ADK: variants seen among roughly 807,000 people sequenced by gnomAD.
The protein encoded by ADK is adenosine kinase.
In ADK, 24 loss-of-function variants were observed where a neutral mutation model predicts 44.7. The observed-to-expected ratio is 0.54, with a 90% CI of 0.39 to 0.76. ADK has a LOEUF of 0.76. Ranked by LOEUF, ADK falls within the 30% of genes least tolerant of loss-of-function variation. ADK has a pLI of 0.00. For synonymous variants in ADK, 128 were observed against 142.6 expected, an observed-to-expected ratio of 0.90 and a Z score of 0.73; for missense variants, 321 against 425.1, an observed-to-expected ratio of 0.76 and a Z score of 2.15.
intron 9 of ADK, among the ~76,000 whole-genome samples, chr10:74,644,359 G>A (rs1180235928): frequency 6.6e-6 from 1 of 152,194 alleles, no homozygotes; most frequent in Non-Finnish European, 1.5e-5. Flanking sequence ...GTTAAGAGGG[G>A]CAATGGATAC....
intron 3 of ADK, among the ~76,000 whole-genome samples, chr10:74,270,001 A>T (rs189931026): frequency 5.4e-4 from 83 of 152,320 alleles, no homozygotes; most frequent in Non-Finnish European, 7.8e-4. Context: ...TCATTTCAAA[A>T]AAATAAATAA....
chr10:74,498,538 T>A (rs1847775175), intron 6 of ADK, among the ~76,000 whole-genome samples: 1 of 152,264 alleles, frequency 6.6e-6, no homozygotes, highest in African/African-American at 2.4e-5. Context: ...TTTTTATTTT[T>A]ATTATACTTT....
intron 9 of ADK, among the ~76,000 whole-genome samples, chr10:74,650,699 C>T (rs894608465): frequency 2.0e-5 from 3 of 152,096 alleles, no homozygotes; most frequent in Non-Finnish European, 4.4e-5. Context: ...CTTCACATAC[C>T]ACACACAATT....
At chr10:74,496,658 A>G (rs1336198227) in intron 6 of ADK, among the ~76,000 whole-genome samples, 1 of 152,194 alleles carries the variant, frequency 6.6e-6, no homozygotes, top group Non-Finnish European at 1.5e-5. Context: ...TTGTAGACAC[A>G]GAATCTTGCT....
chr10:74,182,119 A>T (rs187816793), intron 1 of ADK, among the ~76,000 whole-genome samples: 1 of 152,330 alleles, frequency 6.6e-6, no homozygotes, highest in Non-Finnish European at 1.5e-5. Flanking sequence ...GAACATTCAT[A>T]TGGAGACTAA....
chr10:74,627,126 T>C (rs1458006826), intron 9 of ADK, among the ~76,000 whole-genome samples: 1 of 152,084 alleles, frequency 6.6e-6, no homozygotes, highest in Non-Finnish European at 1.5e-5. Flanking sequence ...TCATAGCATA[T>C]ATATATAAGC....
At chr10:74,235,053 G>A (rs1433966728) in intron 3 of ADK, among the ~76,000 whole-genome samples, 1 of 151,462 alleles carries the variant, frequency 6.6e-6, no homozygotes, top group East Asian at 1.9e-4. Context: ...CTGTAGGTCT[G>A]TGTTGAGTAA....
At chr10:74,438,213 G>A (rs979066904) in intron 6 of ADK, among the ~76,000 whole-genome samples, 7 of 151,056 alleles carry the variant, frequency 4.6e-5, no homozygotes, top group Admixed American at 6.6e-5. Context: ...AAGAAGGTAA[G>A]GTCCTTGCCT....
At chr10:74,503,871 G>A (rs558246667) in intron 6 of ADK, among the ~76,000 whole-genome samples, 2 of 152,096 alleles carry the variant, frequency 1.3e-5, no homozygotes, top group South Asian at 4.2e-4. Context: ...TATCTCCAGG[G>A]CACCCAGCTG....
At chr10:74,487,948 C>A (rs1437889555) in intron 6 of ADK, among the ~76,000 whole-genome samples, 1 of 152,004 alleles carries the variant, frequency 6.6e-6, no homozygotes, top group African/African-American at 2.4e-5. Flanking sequence ...GAGACATAAT[C>A]CACCCTCACC....
At chr10:74,484,941 G>A (rs946317826) in intron 6 of ADK, among the ~76,000 whole-genome samples, 14 of 151,958 alleles carry the variant, frequency 9.2e-5, no homozygotes, top group Admixed American at 1.3e-4. Flanking sequence ...CAGAGCTTTT[G>A]GAAGGTAACT....
intron 6 of ADK, among the ~76,000 whole-genome samples, chr10:74,406,514 T>TAAGAAG (rs1293011034): frequency 2.6e-5 from 1 of 38,976 alleles, no homozygotes; most frequent in Admixed American, 3.0e-4. Flanking sequence ...AAAATAATAA[T>TAAGAAG]AATAATAATA....
intron 4 of ADK, among the ~76,000 whole-genome samples, chr10:74,350,457 C>T (rs1841926849): frequency 6.6e-6 from 1 of 152,088 alleles, no homozygotes. Flanking sequence ...CCACTTCAGA[C>T]AGCTGGAAAG....
intron 3 of ADK, among the ~76,000 whole-genome samples, chr10:74,300,304 TTCCTTCTTTCCTTCCTTCCTTCC>T (rs1839976603): frequency 4.9e-5 from 4 of 81,422 alleles, no homozygotes; most frequent in Non-Finnish European, 9.5e-5. Context: ...CCTTCCTTCC[TTCCTTCTTTCCTTCCTTCCTTCC>T]TTCCTTCCTT....
chr10:74,681,553 T>C (rs187255987), intron 10 of ADK, among the ~76,000 whole-genome samples: 2 of 152,136 alleles, frequency 1.3e-5, no homozygotes. Flanking sequence ...CAAATGAAAG[T>C]TGTCAGTTAA....
At position 74,575,521 on chromosome 10, in the gene ADK, G is replaced by T. The variant is rs1851153161; in HGVS notation, c.727-13761G>T. On this transcript the variant is annotated intron_variant, in intron 7 of 10. Transcript: ENST00000539909. The stretch of plus-strand genomic sequence containing the variant: ...GATGGGTAGGATTTTGACAAGAGTG[G>T]TTGAAGGTATTCTAATTCACTTAGT... 2.0e-5 allele frequency among the ~76,000 whole-genome samples: 3 copies of T among 152,158 alleles called. No individual in the cohort carries two copies. In the South Asian group the frequency reaches 6.2e-4, roughly 32 times the overall value.
At chr10:74,153,490 G>T (rs974781032) in intron 1 of ADK, among the ~76,000 whole-genome samples, 4 of 152,156 alleles carry the variant, frequency 2.6e-5, no homozygotes, top group African/African-American at 9.7e-5. Flanking sequence ...TTCTAGGCTC[G>T]GTTGCTTTTC....
At chr10:74,464,519 C>T (rs1846282555) in intron 6 of ADK, among the ~76,000 whole-genome samples, 1 of 152,192 alleles carries the variant, frequency 6.6e-6, no homozygotes, top group South Asian at 2.1e-4. Flanking sequence ...ACAGTCATGA[C>T]TCTGCACTCC....
intron 6 of ADK, among the ~76,000 whole-genome samples, chr10:74,495,384 G>C (rs1341965643): frequency 6.6e-6 from 1 of 151,368 alleles, no homozygotes; most frequent in Non-Finnish European, 1.5e-5. Flanking sequence ...TTATATTTAA[G>C]AGTGATGCAC....
Sources: allele counts gnomAD v4.1 joint callset (sites outside exome capture counted in the v4.1 genomes callset), GRCh38; gene constraint gnomAD v4.1.1; transcripts MANE v1.5; gene names NCBI Gene and HGNC (gene_info 2026-07-23, HGNC 2026-07-21).